The following MBNL2 variants were observed in gnomAD, a reference collection of about 807,000 sequenced individuals.
MBNL2 encodes muscleblind like splicing regulator 2.
Under a neutral mutation model 41.9 loss-of-function variants are expected in MBNL2, and 17 were observed. That is an observed-to-expected ratio of 0.41 (90% confidence interval 0.28 to 0.61). MBNL2 has a LOEUF of 0.61. Ranked by LOEUF, MBNL2 falls within the 20% of genes least tolerant of loss-of-function variation. The probability of loss-of-function intolerance (pLI) is 0.35; values close to 1 mark genes in which losing one functional copy is unlikely to be tolerated. For missense variants in MBNL2, 336 were observed against 505.6 expected, an observed-to-expected ratio of 0.66 and a Z score of 3.22; for synonymous variants, 195 against 182.9, an observed-to-expected ratio of 1.07 and a Z score of -0.53.
Position 97,366,436 on chromosome 13 carries a change from TC to T in MBNL2, c.1048+1268del. On this transcript the variant is annotated intron_variant, in intron 8 of 8. Coordinates refer to ENST00000679496, the MANE Select transcript of MBNL2 (RefSeq NM_001382683.1). The surrounding 1 kb of genome is among the most constrained non-coding windows in gnomAD (Gnocchi z 4.7). ...AATGCTACACCCTCCTGTTCATTGC[TC>T]CCATGGTTCCCCTCCTGAAAGTACC... 1.7e-6 allele frequency: 2 copies of T among 1,182,236 alleles called. No individual in the cohort carries two copies. Among genetic ancestry groups the T allele is most frequent in the Non-Finnish European group, 2.5e-6 (2 of 789,460 alleles). The allele number at this position is 1,182,236 out of a possible 1,614,324, so 73.2% of individuals were successfully genotyped here. A position where few individuals can be genotyped will look rare whatever the true frequency, so the allele number is the denominator to read the frequency against.
At chr13:97,305,618 A>C (rs1348562905) in intron 2 of MBNL2, among the ~76,000 whole-genome samples, 1 of 150,582 alleles carries the variant, frequency 6.6e-6, no homozygotes, top group East Asian at 2.0e-4. Context: ...ACAAAAAATT[A>C]GCTGGATGTG....
At chr13:97,293,947 C>T (rs951619386) in intron 2 of MBNL2, among the ~76,000 whole-genome samples, 7 of 151,978 alleles carry the variant, frequency 4.6e-5, no homozygotes, top group African/African-American at 4.8e-5. Flanking sequence ...GTATCCCTTA[C>T]CCCTTCCCAT....
chr13:97,304,128 G>T (rs1594184021), intron 2 of MBNL2, among the ~76,000 whole-genome samples: 1 of 152,174 alleles, frequency 6.6e-6, no homozygotes, highest in Admixed American at 6.5e-5. Flanking sequence ...CTGAAGAAAG[G>T]CTCCAACCCA....
Position 97,222,443 on chromosome 13 carries a change from A to G in MBNL2, c.-693A>G, listed in dbSNP as rs2040945872. The G allele has an allele frequency of 2.5e-6, 1 of 398,578 alleles. No homozygotes were observed. The highest frequency in any genetic ancestry group is 2.1e-5 in the African/African-American group (1 of 48,648). The allele number at this position is 398,578 out of a possible 1,614,324, so 24.7% of individuals were successfully genotyped here. ...CTATTTACATGGAAGTTTCTTTCTC[A>G]TGATGCGGTGGAGAAGCCTCGGCCA... On this transcript the variant is annotated 5_prime_UTR_variant, in exon 1 of 9. An upstream start codon of the reference 5' UTR is lost. Coordinates refer to ENST00000679496, the MANE Select transcript of MBNL2 (RefSeq NM_001382683.1).
intron 8 of MBNL2, among the ~76,000 whole-genome samples, chr13:97,369,660 C>T (rs915941686): frequency 2.0e-5 from 3 of 152,124 alleles, no homozygotes; most frequent in Non-Finnish European, 2.9e-5. Context: ...CATCCCATGA[C>T]AGCTTCTTAG....
the MBNL2 span, among the ~76,000 whole-genome samples, chr13:97,161,030 G>A: frequency 6.6e-6 from 1 of 152,236 alleles, no homozygotes; most frequent in African/African-American, 2.4e-5. Context: ...AGTTCACCTG[G>A]AAACTTTTAG....
chr13:97,164,889 T>C, the MBNL2 span, among the ~76,000 whole-genome samples: 2 of 152,146 alleles, frequency 1.3e-5, no homozygotes, highest in Non-Finnish European at 2.9e-5. Context: ...CGAGCAGTTC[T>C]CATTAAGTTT....
chr13:97,390,070 T>A (rs2066278312), intron 8 of MBNL2, among the ~76,000 whole-genome samples: 1 of 152,192 alleles, frequency 6.6e-6, no homozygotes, highest in South Asian at 2.1e-4. Flanking sequence ...TAATTTTACA[T>A]TCCTAGGAAT....
the MBNL2 span, among the ~76,000 whole-genome samples, chr13:97,148,645 G>GA: frequency 3.5e-3 from 532 of 151,952 alleles, 7 homozygotes; most frequent in African/African-American, 0.011. Context: ...TATTTAAAAA[G>GA]AAAAAAATGA....
the MBNL2 span, among the ~76,000 whole-genome samples, chr13:97,170,494 A>G: frequency 6.6e-6 from 1 of 152,188 alleles, no homozygotes; most frequent in African/African-American, 2.4e-5. Context: ...TCAAATCAAT[A>G]TCATGGAAAG....
chr13:97,348,570 A>C (rs897971414), intron 5 of MBNL2, among the ~76,000 whole-genome samples: 1 of 152,164 alleles, frequency 6.6e-6, no homozygotes, highest in Admixed American at 6.5e-5. Context: ...GCTGGGTAGA[A>C]TAAATAAATC....
the MBNL2 span, among the ~76,000 whole-genome samples, chr13:97,201,480 T>C: frequency 2.0e-5 from 3 of 152,194 alleles, no homozygotes; most frequent in East Asian, 1.9e-4. Context: ...GATGGATAGA[T>C]AGACAAATAT....
chr13:97,212,491 G>C, the MBNL2 span, among the ~76,000 whole-genome samples: 1 of 151,800 alleles, frequency 6.6e-6, no homozygotes. Context: ...TTTTTTCTTT[G>C]CACTTAGCAC....
At chr13:97,221,363 G>C (rs1257526464), upstream of MBNL2, 13 of 145,534 alleles carry the variant, frequency 8.9e-5, no homozygotes, top group Non-Finnish European at 3.0e-5. Context: ...AAATGCTGTA[G>C]ACTGGGAAAT....
chr13:97,206,463 GT>G, the MBNL2 span, among the ~76,000 whole-genome samples: 1 of 152,102 alleles, frequency 6.6e-6, no homozygotes, highest in Non-Finnish European at 1.5e-5. Flanking sequence ...AGGTTTGGCT[GT>G]GAATCTTGTG....
chr13:97,382,845 T>A (rs2065597635), intron 8 of MBNL2, among the ~76,000 whole-genome samples: 1 of 151,918 alleles, frequency 6.6e-6, no homozygotes, highest in Admixed American at 6.6e-5. Flanking sequence ...AGAGACAGGG[T>A]TTCACTTTTT....
upstream of MBNL2, among the ~76,000 whole-genome samples, chr13:97,220,535 T>G (rs1743935244): frequency 6.6e-6 from 1 of 152,218 alleles, no homozygotes; most frequent in Non-Finnish European, 1.5e-5. Context: ...GCCCAGATTA[T>G]GAAGGCCCTT....
intron 1 of MBNL2, among the ~76,000 whole-genome samples, chr13:97,228,683 C>A (rs1376745762): frequency 6.6e-6 from 1 of 151,930 alleles, no homozygotes; most frequent in Non-Finnish European, 1.5e-5. Context: ...GCGTGTGTCA[C>A]CACACCTGGC....
the MBNL2 span, among the ~76,000 whole-genome samples, chr13:97,188,975 A>G: frequency 0.017 from 2,617 of 152,058 alleles, 51 homozygotes; most frequent in Non-Finnish European, 0.021. Context: ...CGTTAACACC[A>G]TCTCATCCTT....
Sources: gnomAD v4.1 joint callset for allele counts (sites outside exome capture counted in the v4.1 genomes callset) on GRCh38, gnomAD v4.1.1 for gene constraint, Gnocchi (gnomAD v3.1) non-coding constraint, MANE v1.5 for transcripts, NCBI Gene and HGNC (gene_info 2026-07-23, HGNC 2026-07-21) for gene names.